The following ZNF619 variants were observed in gnomAD, a reference collection of about 807,000 sequenced individuals.
The protein encoded by ZNF619 is zinc finger protein 619.
ZNF619 carries 9 observed loss-of-function variants against 14.2 expected under a neutral mutation model. The ratio of observed to expected loss-of-function variants is 0.64; its 90% CI spans 0.38 to 1.11. The LOEUF (loss-of-function observed/expected upper bound fraction) is 1.11, where lower values mean the gene tolerates loss of function less well. ZNF619 is among the 50% of genes least tolerant of loss of function. ZNF619 has a pLI of 0.01. For missense variants in ZNF619, 659 were observed against 680.1 expected (o/e 0.97, Z 0.34); for synonymous variants, 246 against 252.8 (o/e 0.97, Z 0.26).
chr3:40,487,541 A>G lies in ZNF619; in HGVS notation c.1031A>G (p.Tyr344Cys), dbSNP rs765921392. The G allele has an allele frequency of 3.9e-5, 63 of 1,614,108 alleles. No homozygotes were observed. Among genetic ancestry groups the G allele is most frequent in the Admixed American group, 2.0e-4 (12 of 60,004 alleles). Residue 344 changes from tyrosine (Y) to cysteine (C), a missense_variant, in exon 5 of 5, where the codon TAT becomes TGT. Physicochemically the swap from Tyr to Cys is radical, Grantham distance 194. Transcript: ENST00000432264. The part of the protein sequence containing the change: ...HERIHNGEKP[Y>C]ECKECGKSLS... Reference sequence around the variant, plus strand: ...CGAATTCACAATGGGGAGAAGCCCTATGAATGTAAGGAGTGTGGGAAGAGT... The same window carrying G: ...CGAATTCACAATGGGGAGAAGCCCTGTGAATGTAAGGAGTGTGGGAAGAGT...
chr3:40,482,227 G>T, intron 3 of ZNF619: 2 of 1,551,574 alleles, frequency 1.3e-6, no homozygotes, highest in Non-Finnish European at 1.7e-6. Flanking sequence ...GTTCCTAATG[G>T]AGACCCAACT....
Position 40,491,033 on chromosome 3 carries a change from ACTT to A in ZNF619, c.*2796_*2798del, listed in dbSNP as rs1697788364. ...GCCCTCGGAACCATGAGCTAAATAAACTTCTTTTCTTTATAAATTACCCAATCT... is the reference window on the plus strand; with the variant it reads ...GCCCTCGGAACCATGAGCTAAATAAACTTTTCTTTATAAATTACCCAATCT... On this transcript the variant is annotated 3_prime_UTR_variant, in exon 5 of 5. Coordinates refer to ENST00000432264, the MANE Select transcript of ZNF619 (RefSeq NM_001145093.4). 6.6e-6 allele frequency among the ~76,000 whole-genome samples: 1 copy of A among 152,036 alleles called. No individual in the cohort carries two copies. Among genetic ancestry groups the A allele is most frequent in the Non-Finnish European group, 1.5e-5 (1 of 68,008 alleles).
At chr3:40,479,075 T>C (rs531712410) in intron 2 of ZNF619, among the ~76,000 whole-genome samples, 10 of 152,298 alleles carry the variant, frequency 6.6e-5, no homozygotes, top group East Asian at 5.8e-4. Flanking sequence ...TCCCCTATTA[T>C]GCTCTCAGGC....
intron 2 of ZNF619, among the ~76,000 whole-genome samples, chr3:40,479,074 A>G (rs1697297309): frequency 6.6e-6 from 1 of 152,120 alleles, no homozygotes; most frequent in Admixed American, 6.6e-5. Context: ...CTCCCCTATT[A>G]TGCTCTCAGG....
chr3:40,481,756 TG>T, intron 2 of ZNF619, 106 bp from the exon 3 acceptor site: 1 of 1,445,434 alleles, frequency 6.9e-7, no homozygotes. Flanking sequence ...TGGGGTCCTG[TG>T]TGGCTCTCCT....
chr3:40,481,498 G>A (rs1467623706), intron 2 of ZNF619, among the ~76,000 whole-genome samples: 1 of 152,248 alleles, frequency 6.6e-6, no homozygotes, highest in Non-Finnish European at 1.5e-5. Flanking sequence ...AGACCAGAAA[G>A]AAGCTGGGTG....
rs1277688259 is a variant in ZNF619 at position 40,483,391 on chromosome 3, A to G, written c.295+687A>G. 2.0e-5 allele frequency among the ~76,000 whole-genome samples: 3 copies of G among 151,330 alleles called. No individual in the cohort carries two copies. The East Asian group carries it at 5.9e-4, about 30-fold the overall frequency. On this transcript the variant is annotated intron_variant, in intron 4 of 4. Coordinates refer to ENST00000432264, the MANE Select transcript of ZNF619 (RefSeq NM_001145093.4). ...CCACAACCTCCGCCTCCTGGGTTCA[A>G]GTGTTTCTCCTCCCTCAGCCTTCTG... is the stretch of plus-strand genomic sequence containing the variant.
intron 4 of ZNF619, among the ~76,000 whole-genome samples, chr3:40,486,490 A>T (rs1470324791): frequency 6.6e-6 from 1 of 152,182 alleles, no homozygotes; most frequent in Non-Finnish European, 1.5e-5. Context: ...ACCAGAGGTC[A>T]GGAGTTCGTG....
At position 40,488,320 on chromosome 3, in the gene ZNF619, C is replaced by T. The variant is rs1697709155; in HGVS notation, c.*79C>T. 1 of 745,782 alleles carries T rather than the reference C, an allele frequency of 1.3e-6. No individual in the cohort carries two copies. Among genetic ancestry groups the T allele is most frequent in the Non-Finnish European group, 2.3e-6 (1 of 431,454 alleles). The allele number at this position is 745,782 out of a possible 1,614,324, so 46.2% of individuals were successfully genotyped here. A position where few individuals can be genotyped will look rare whatever the true frequency, so the allele number is the denominator to read the frequency against. On this transcript the variant is annotated 3_prime_UTR_variant, in exon 5 of 5. Coordinates refer to ENST00000432264, the MANE Select transcript of ZNF619 (RefSeq NM_001145093.4). The stretch of plus-strand genomic sequence containing the variant: ...CTCCTGATTGTGTCTATTGATATTC[C>T]TCTGGTCTTGTCTTGTATAAGTTGT...
At chr3:40,481,457 C>T (rs1697389139) in intron 2 of ZNF619, among the ~76,000 whole-genome samples, 1 of 152,158 alleles carries the variant, frequency 6.6e-6, no homozygotes, top group South Asian at 2.1e-4. Context: ...GAAATCACTC[C>T]TCTGTCTGTA....
chr3:40,478,031 A>G (rs772882196), intron 2 of ZNF619, 28 bp downstream of exon 2: 11 of 1,551,512 alleles, frequency 7.1e-6, no homozygotes, highest in East Asian at 4.9e-5. Context: ...TCAGCTTTCC[A>G]TACTCAGAAC....
rs572714058 is a variant in ZNF619 at position 40,488,557 on chromosome 3, G to T, written c.*316G>T. ...TTAGGGCATATGGCATTATGATTAT[G>T]ATGAGATGGGGCATTATAATTAGAG... On this transcript the variant is annotated 3_prime_UTR_variant, in exon 5 of 5. Coordinates refer to ENST00000432264, the MANE Select transcript of ZNF619 (RefSeq NM_001145093.4). 1.3e-4 allele frequency: 37 copies of T among 286,016 alleles called. No homozygotes were observed. The highest frequency in any genetic ancestry group is 8.1e-4 in the African/African-American group (37 of 45,858). The allele number at this position is 286,016 out of a possible 1,614,324, so 17.7% of individuals were successfully genotyped here. A position where few individuals can be genotyped will look rare whatever the true frequency, so the allele number is the denominator to read the frequency against.
At position 40,482,824 on chromosome 3, in the gene ZNF619, C is replaced by T. The variant is rs114812366; in HGVS notation, c.295+120C>T. 1.2e-3 allele frequency: 876 copies of T among 740,086 alleles called. 4 individuals carry two copies. In the African/African-American group the frequency reaches 0.013, roughly 11 times the overall value. 45.8% of individuals were successfully genotyped at this position (740,086 alleles called of 1,614,324 possible). ...GGTTGTGGGGATTAAAATAGTCACT[C>T]TTATTCAAAGAAGTGTTGCTTACCA... On this transcript the variant is annotated intron_variant, in intron 4 of 4. Coordinates refer to ENST00000432264, the MANE Select transcript of ZNF619 (RefSeq NM_001145093.4).
rs573605407 is a variant in ZNF619 at position 40,477,904 on chromosome 3, T to C, written c.-62-14T>C. ...GAGACGAGACAGATCAGTCTCATTGTGGTTCTCTCTTAGCTCCGCAGGTTC... is the reference window on the plus strand; with the variant it reads ...GAGACGAGACAGATCAGTCTCATTGCGGTTCTCTCTTAGCTCCGCAGGTTC... On this transcript the variant is annotated splice_polypyrimidine_tract_variant and intron_variant, in intron 1 of 4. Transcript: ENST00000432264. 7.1e-7 allele frequency: 1 copy of C among 1,414,710 alleles called. No homozygotes were observed. The highest frequency in any genetic ancestry group is 2.5e-5 in the East Asian group (1 of 40,214). 87.6% of individuals were successfully genotyped at this position (1,414,710 alleles called of 1,614,324 possible). A position where few individuals can be genotyped will look rare whatever the true frequency, so the allele number is the denominator to read the frequency against.
At chr3:40,486,724 T>C (rs1164940877) in intron 4 of ZNF619, 82 bp from the exon 5 acceptor site, 16 of 1,145,702 alleles carry the variant, frequency 1.4e-5, no homozygotes, top group Non-Finnish European at 2.0e-5. Context: ...AATTCATGTG[T>C]CTAGGGCAAG....
Position 40,486,872 on chromosome 3 carries a change from C to T in ZNF619, c.362C>T (p.Ser121Phe), listed in dbSNP as rs1697597348. Reference sequence around the variant, plus strand: ...CTAAACATTTCTAAAGAATCAGAGTCCCACAGACTGATAGTGGAGGGACTG... The same window carrying T: ...CTAAACATTTCTAAAGAATCAGAGTTCCACAGACTGATAGTGGAGGGACTG... ...AQLNISKESE[S>F]HRLIVEGLLM... Residue 121 changes from serine (S) to phenylalanine (F), a missense_variant, in exon 5 of 5, where the codon TCC becomes TTC. Physicochemically the swap from Ser to Phe is radical, Grantham distance 155. Coordinates refer to ENST00000432264, the MANE Select transcript of ZNF619 (RefSeq NM_001145093.4). The T allele has an allele frequency of 6.2e-7, 1 of 1,614,080 alleles. No individual in the cohort carries two copies. Among genetic ancestry groups the T allele is most frequent in the Non-Finnish European group, 8.5e-7 (1 of 1,180,012 alleles).
intron 4 of ZNF619, 65 bp downstream of exon 4, chr3:40,482,769 C>A: frequency 7.7e-7 from 1 of 1,293,044 alleles, no homozygotes; most frequent in Non-Finnish European, 1.1e-6. Flanking sequence ...AACAATTTAG[C>A]ATGAAAAAGG....
In ZNF619 at chr3:40,487,391, G is replaced by T; in HGVS notation, c.881G>T (p.Gly294Val). 6.2e-7 allele frequency: 1 copy of T among 1,614,210 alleles called. No individual in the cohort carries two copies. Among genetic ancestry groups the T allele is most frequent in the Non-Finnish European group, 8.5e-7 (1 of 1,180,042 alleles). Residue 294 changes from glycine to valine, a missense_variant, in exon 5 of 5, where the codon GGT becomes GTT. Physicochemically the swap from Gly to Val is moderately radical, Grantham distance 109. Transcript: ENST00000432264. ...GQRPYECTDC[G>V]KTFSYNSKLI... Reference sequence around the variant, plus strand: ...AGGCCCTATGAATGTACTGACTGTGGTAAAACCTTCAGTTATAATTCAAAA... The same window carrying T: ...AGGCCCTATGAATGTACTGACTGTGTTAAAACCTTCAGTTATAATTCAAAA...
At position 40,480,444 on chromosome 3, in the gene ZNF619, G is replaced by C. The variant is rs149861836; in HGVS notation, c.25-1419G>C. On this transcript the variant is annotated intron_variant, in intron 2 of 4. Coordinates refer to ENST00000432264, the MANE Select transcript of ZNF619 (RefSeq NM_001145093.4). ...TCATCAAAATTTCCTCCTAGATTTA[G>C]CATCCATTGATGATTTTTGCCCAAA... Among the ~76,000 whole-genome samples the C allele has an allele frequency of 2.0e-5, 3 of 151,076 alleles. No individual in the cohort carries two copies. The East Asian group carries it at 5.8e-4, about 29-fold the overall frequency.
Sources: allele counts gnomAD v4.1 joint callset (sites outside exome capture counted in the v4.1 genomes callset), GRCh38; gene constraint gnomAD v4.1.1; transcripts MANE v1.5; gene names NCBI Gene and HGNC (gene_info 2026-07-23, HGNC 2026-07-21).